The following CACNA2D1 variants were observed in gnomAD, a reference collection of about 807,000 sequenced individuals.
The protein encoded by CACNA2D1 is voltage-dependent calcium channel subunit alpha-2/delta-1.
In CACNA2D1, 53 loss-of-function variants were observed where a neutral mutation model predicts 171.5. The observed-to-expected ratio is 0.31, with a 90% CI of 0.25 to 0.39. The LOEUF is 0.39. Among genes scored for constraint, CACNA2D1 ranks in the 10% least tolerant of loss-of-function variants. CACNA2D1 has a pLI of 1.00. For missense variants in CACNA2D1, 903 were observed against 1,299.8 expected, an observed-to-expected ratio of 0.69 and a Z score of 4.69; for synonymous variants, 442 against 443.1, an observed-to-expected ratio of 1.00 and a Z score of 0.03.
chr7:82,398,311 C>G (rs1355982136), intron 1 of CACNA2D1, among the ~76,000 whole-genome samples: 1 of 152,316 alleles, frequency 6.6e-6, no homozygotes, highest in East Asian at 1.9e-4. Flanking sequence ...ATTTAACAGT[C>G]TTTGCCACAG....
intron 6 of CACNA2D1, among the ~76,000 whole-genome samples, chr7:82,105,398 C>CTT (rs572031121): frequency 0.027 from 2,698 of 99,442 alleles, 101 homozygotes; most frequent in African/African-American, 0.06. Context: ...CAGTTTTTGT[C>CTT]TTTTTTTTTT....
intron 3 of CACNA2D1, among the ~76,000 whole-genome samples, chr7:82,261,210 C>T (rs1197449270): frequency 6.6e-6 from 1 of 152,190 alleles, no homozygotes; most frequent in African/African-American, 2.4e-5. Flanking sequence ...CCGCCTCGGC[C>T]TCCCACAGTG....
intron 15 of CACNA2D1, 65 bp from the exon 16 acceptor site, chr7:82,007,821 T>G: frequency 3.8e-5 from 33 of 857,192 alleles, no homozygotes; most frequent in Non-Finnish European, 6.3e-5. Context: ...CAGAGTGCAC[T>G]AACCTTTGAT....
At chr7:82,184,002 A>G (rs1270482706) in intron 3 of CACNA2D1, among the ~76,000 whole-genome samples, 2 of 152,076 alleles carry the variant, frequency 1.3e-5, no homozygotes, top group African/African-American at 4.8e-5. Context: ...TTGTTATATT[A>G]ATTTCCTTTT....
At chr7:82,267,542 G>A (rs1327407829) in intron 3 of CACNA2D1, among the ~76,000 whole-genome samples, 2 of 152,106 alleles carry the variant, frequency 1.3e-5, no homozygotes, top group Non-Finnish European at 2.9e-5. Flanking sequence ...TACCATTATT[G>A]AGTACTCATC....
chr7:82,304,242 A>G (rs1407220767), intron 3 of CACNA2D1, among the ~76,000 whole-genome samples: 1 of 152,024 alleles, frequency 6.6e-6, no homozygotes, highest in African/African-American at 2.4e-5. Context: ...TACTTTTGGT[A>G]GTAATGTAAA....
At chr7:82,110,174 C>A (rs1026753475) in intron 6 of CACNA2D1, among the ~76,000 whole-genome samples, 2 of 152,192 alleles carry the variant, frequency 1.3e-5, no homozygotes, top group Admixed American at 1.3e-4. Flanking sequence ...CAGAAAACAT[C>A]CCGCAGCTTT....
In CACNA2D1 at chr7:82,145,812, C is replaced by T. The variant is rs1435709992; in HGVS notation, c.355-9136G>A. ...TTGAGACACATTCATTCACTTTATC[C>T]ATTCTTTTAACTTTGTCTTATAATC... is the stretch of plus-strand genomic sequence containing the variant. On this transcript the variant is annotated intron_variant, in intron 4 of 38. Transcript: ENST00000356860. Among the ~76,000 whole-genome samples the T allele has an allele frequency of 2.2e-5, 3 of 136,112 alleles. No individual in the cohort carries two copies. In the East Asian group the frequency reaches 7.2e-4, roughly 33 times the overall value. The allele number at this position is 136,112 out of a possible 152,430, so 89.3% of individuals were successfully genotyped here.
intron 3 of CACNA2D1, among the ~76,000 whole-genome samples, chr7:82,281,985 T>G (rs968077393): frequency 6.6e-6 from 1 of 151,998 alleles, no homozygotes; most frequent in Non-Finnish European, 1.5e-5. Context: ...AGAAAAAAAC[T>G]CCATGTGCCA....
intron 7 of CACNA2D1, among the ~76,000 whole-genome samples, chr7:82,081,532 ACCTT>A (rs1809772141): frequency 6.6e-6 from 1 of 152,152 alleles, no homozygotes; most frequent in Non-Finnish European, 1.5e-5. Context: ...TATTTTAATG[ACCTT>A]CCTGTAACAG....
At chr7:82,244,827 C>A (rs1041136734) in intron 3 of CACNA2D1, among the ~76,000 whole-genome samples, 6 of 152,130 alleles carry the variant, frequency 3.9e-5, no homozygotes, top group Non-Finnish European at 8.8e-5. Flanking sequence ...AGTATCATCA[C>A]ATCCTTCATG....
chr7:82,155,897 A>G lies in CACNA2D1; in HGVS notation c.354+14653T>C, dbSNP rs1312565156. ...GAAAAACACAGTCAAGTAGTCAGTA[A>G]AATAATACTAAGAAATATATCCTGC... On this transcript the variant is annotated intron_variant, in intron 4 of 38. Coordinates refer to ENST00000356860, the MANE Select transcript of CACNA2D1 (RefSeq NM_000722.4). Among the ~76,000 whole-genome samples, 3 of 152,226 alleles carry G rather than the reference A, an allele frequency of 2.0e-5. 1 individual carries two copies. The highest frequency in any genetic ancestry group is 4.4e-5 in the Non-Finnish European group (3 of 68,032).
intron 1 of CACNA2D1, among the ~76,000 whole-genome samples, chr7:82,387,369 A>G (rs1444205272): frequency 1.3e-5 from 2 of 152,190 alleles, no homozygotes; most frequent in Non-Finnish European, 2.9e-5. Flanking sequence ...CATTTTCTTG[A>G]ATACTGTTCT....
chr7:82,085,300 A>C (rs1301882293), intron 6 of CACNA2D1, among the ~76,000 whole-genome samples: 1 of 152,092 alleles, frequency 6.6e-6, no homozygotes, highest in Non-Finnish European at 1.5e-5. Context: ...GACATGCGAA[A>C]ATGTCTCCAG....
intron 3 of CACNA2D1, among the ~76,000 whole-genome samples, chr7:82,308,389 G>A (rs1042041622): frequency 6.6e-6 from 1 of 152,194 alleles, no homozygotes; most frequent in Non-Finnish European, 1.5e-5. Flanking sequence ...CAGCGAAGGT[G>A]CCATTGTCTC....
chr7:82,186,769 G>T (rs567631058), intron 3 of CACNA2D1, among the ~76,000 whole-genome samples: 9 of 152,078 alleles, frequency 5.9e-5, no homozygotes, highest in Admixed American at 1.3e-4. Flanking sequence ...AACATGTATA[G>T]ATCTATAATA....
chr7:82,194,615 A>G (rs897522313), intron 3 of CACNA2D1, among the ~76,000 whole-genome samples: 3 of 151,922 alleles, frequency 2.0e-5, no homozygotes, highest in Non-Finnish European at 4.4e-5. Flanking sequence ...ATACTCTATC[A>G]TGTTTTCATT....
intron 3 of CACNA2D1, among the ~76,000 whole-genome samples, chr7:82,290,975 C>CT (rs3054678): frequency 0.039 from 5,466 of 138,826 alleles, 162 homozygotes; most frequent in Middle Eastern, 0.071. Flanking sequence ...ACTTTCTTTT[C>CT]TTTTTTTTTT....
intron 3 of CACNA2D1, among the ~76,000 whole-genome samples, chr7:82,204,283 G>C (rs1310896207): frequency 6.6e-6 from 1 of 152,182 alleles, no homozygotes; most frequent in Non-Finnish European, 1.5e-5. Context: ...ACCGACAGCT[G>C]GGGAGCTTAT....
Sources: gnomAD v4.1 joint callset for allele counts (sites outside exome capture counted in the v4.1 genomes callset) on GRCh38, gnomAD v4.1.1 for gene constraint, MANE v1.5 for transcripts, NCBI Gene and HGNC (gene_info 2026-07-23, HGNC 2026-07-21) for gene names.